LTBP1: variants seen among roughly 807,000 people sequenced by gnomAD.
LTBP1 encodes the protein latent-transforming growth factor beta-binding protein 1.
A neutral mutation model predicts 207.6 loss-of-function variants in LTBP1; 129 were observed. The observed-to-expected ratio is 0.62, with a 90% confidence interval of 0.54 to 0.72. LTBP1 has a LOEUF of 0.72. Among genes scored for constraint, LTBP1 ranks in the 30% least tolerant of loss-of-function variants. The pLI, the probability that LTBP1 is intolerant of heterozygous loss-of-function variation, is 0.00. For missense variants in LTBP1, 2,281 were observed against 2,217.2 expected, an observed-to-expected ratio of 1.03 and a Z score of -0.58; for synonymous variants, 963 against 833.7, an observed-to-expected ratio of 1.16 and a Z score of -2.67.
intron 18 of LTBP1, among the ~76,000 whole-genome samples, chr2:33,276,334 T>C (rs1313445654): frequency 6.6e-6 from 1 of 152,218 alleles, no homozygotes; most frequent in African/African-American, 2.4e-5. Context: ...TTCTTTTACA[T>C]GTGTTCTGGT....
intron 26 of LTBP1, among the ~76,000 whole-genome samples, 174 bp from the exon 27 acceptor site, chr2:33,360,423 T>A (rs973411580): frequency 3.3e-5 from 5 of 152,182 alleles, no homozygotes; most frequent in African/African-American, 1.2e-4. Flanking sequence ...AAACTAAGGA[T>A]TCAAGTGCAT....
intron 7 of LTBP1, among the ~76,000 whole-genome samples, chr2:33,205,043 C>T (rs10201412): frequency 6.6e-6 from 1 of 152,132 alleles, no homozygotes; most frequent in African/African-American, 2.4e-5. Context: ...ATGATGATTT[C>T]TACATCTTTG....
At chr2:33,297,210 G>T (rs914755662) in intron 20 of LTBP1, among the ~76,000 whole-genome samples, 2 of 152,010 alleles carry the variant, frequency 1.3e-5, no homozygotes, top group African/African-American at 4.8e-5. Flanking sequence ...CCTCTACTCC[G>T]ATTCTAATGG....
intron 3 of LTBP1, among the ~76,000 whole-genome samples, chr2:33,092,389 T>C (rs1400926299): frequency 1.3e-5 from 2 of 152,232 alleles, no homozygotes; most frequent in East Asian, 3.8e-4. Context: ...GAAAAGATAG[T>C]CTTGTGTTAG....
chr2:33,261,281 G>T (rs753560634), intron 13 of LTBP1, among the ~76,000 whole-genome samples: 2 of 152,230 alleles, frequency 1.3e-5, no homozygotes, highest in Non-Finnish European at 2.9e-5. Flanking sequence ...ATTAACACCT[G>T]ATCCTGGTCT....
At chr2:33,003,942 G>C (rs756405186) in intron 2 of LTBP1, among the ~76,000 whole-genome samples, 3 of 152,152 alleles carry the variant, frequency 2.0e-5, no homozygotes, top group Non-Finnish European at 2.9e-5. Flanking sequence ...TTGGGTTGAT[G>C]CCACCATTGT....
chr2:33,010,697 G>T (rs1687564201), intron 2 of LTBP1, among the ~76,000 whole-genome samples: 2 of 150,210 alleles, frequency 1.3e-5, no homozygotes, highest in African/African-American at 4.9e-5. Context: ...TTTGATGACT[G>T]TATCACATTC....
intron 31 of LTBP1, among the ~76,000 whole-genome samples, chr2:33,374,295 C>CTT (rs1376179321): frequency 1.3e-5 from 2 of 152,182 alleles, no homozygotes. Flanking sequence ...TCTCTTTCTG[C>CTT]TTTTGGTCCT....
At chr2:33,112,192 GT>G (rs1348596440) in intron 4 of LTBP1, among the ~76,000 whole-genome samples, 2 of 152,100 alleles carry the variant, frequency 1.3e-5, no homozygotes, top group Non-Finnish European at 2.9e-5. Context: ...GGAAAAGATG[GT>G]TAGAGAACAC....
At chr2:33,256,083 T>TC (rs2092841980) in intron 11 of LTBP1, among the ~76,000 whole-genome samples, 1 of 152,098 alleles carries the variant, frequency 6.6e-6, no homozygotes, top group Non-Finnish European at 1.5e-5. Context: ...CTACTTTTTT[T>TC]TTTTTTTAAA....
rs997299483 is a variant in LTBP1, at chr2:33,340,665, T to TGAGGAGGAG, written c.3731-2161_3731-2153dup. Among the ~76,000 whole-genome samples, 3 of 151,732 alleles carry TGAGGAGGAG rather than the reference T, an allele frequency of 2.0e-5. No homozygotes were observed. In the South Asian group the frequency reaches 6.3e-4, roughly 32 times the overall value. ...GTTAGGAAGTAAGATTCTAGGTCAT[T>TGAGGAGGAG]GAGGAGGAGGAGGAGGAGGAAGAGG... On this transcript the variant is annotated intron_variant, in intron 24 of 33. Transcript: ENST00000404816.
intron 3 of LTBP1, among the ~76,000 whole-genome samples, chr2:33,042,479 T>C (rs966279571): frequency 2.0e-5 from 3 of 152,210 alleles, no homozygotes; most frequent in African/African-American, 7.2e-5. Flanking sequence ...GGAGGGACTT[T>C]GATCTTCAGT....
At chr2:33,036,344 T>A (rs1306634435) in intron 3 of LTBP1, among the ~76,000 whole-genome samples, 1 of 152,204 alleles carries the variant, frequency 6.6e-6, no homozygotes, top group African/African-American at 2.4e-5. Context: ...GGGGATTCTT[T>A]TACTTTTTAC....
chr2:32,958,819 C>T (rs1007131291), intron 2 of LTBP1, among the ~76,000 whole-genome samples: 6 of 152,280 alleles, frequency 3.9e-5, no homozygotes, highest in South Asian at 2.1e-4. Flanking sequence ...TTTTCAAGGG[C>T]ACAACACCTT....
At chr2:33,286,659 G>A (rs2093669732) in intron 19 of LTBP1, among the ~76,000 whole-genome samples, 1 of 152,082 alleles carries the variant, frequency 6.6e-6, no homozygotes, top group Admixed American at 6.6e-5. Context: ...GAGAAGATTG[G>A]CAGTTATAAA....
intron 5 of LTBP1, among the ~76,000 whole-genome samples, chr2:33,144,041 G>A (rs1296375497): frequency 6.6e-6 from 1 of 151,884 alleles, no homozygotes; most frequent in African/African-American, 2.4e-5. Context: ...GAAGACCTTT[G>A]TCTCTTTCTG....
chr2:33,220,723 T>C (rs4670313), intron 8 of LTBP1, among the ~76,000 whole-genome samples: 6,600 of 152,154 alleles, frequency 0.043, 164 homozygotes, highest in Middle Eastern at 0.14. Context: ...CTCTGCAGGA[T>C]GCCTGCTCTA....
At chr2:33,261,116 C>G (rs2092997383) in intron 13 of LTBP1, among the ~76,000 whole-genome samples, 1 of 152,174 alleles carries the variant, frequency 6.6e-6, no homozygotes, top group South Asian at 2.1e-4. Flanking sequence ...TTAGGGACTG[C>G]TTTGGAAGGC....
At chr2:32,999,900 T>C (rs1265342636) in intron 2 of LTBP1, among the ~76,000 whole-genome samples, 1 of 133,216 alleles carries the variant, frequency 7.5e-6, no homozygotes, top group African/African-American at 2.6e-5. Flanking sequence ...GACAACAGCG[T>C]TGTGTGTGTT....
Sources: gnomAD v4.1 joint callset for allele counts (sites outside exome capture counted in the v4.1 genomes callset) on GRCh38, gnomAD v4.1.1 for gene constraint, MANE v1.5 for transcripts, NCBI Gene and HGNC (gene_info 2026-07-23, HGNC 2026-07-21) for gene names.